ANGPTL5: variants seen among roughly 807,000 people sequenced by gnomAD.
The protein encoded by ANGPTL5 is angiopoietin-related protein 5.
In ANGPTL5, 34 loss-of-function variants were observed where a neutral mutation model predicts 39.4. The observed-to-expected ratio is 0.86, with a 90% CI of 0.66 to 1.15. The LOEUF (loss-of-function observed/expected upper bound fraction) is 1.15. Ranked by LOEUF, ANGPTL5 falls within the 50% of genes most tolerant of loss-of-function variation. The pLI is 0.00. For synonymous variants in ANGPTL5, 146 were observed against 152.1 expected, an observed-to-expected ratio of 0.96 and a Z score of 0.29; for missense variants, 467 against 457.5, an observed-to-expected ratio of 1.02 and a Z score of -0.19.
At chr11:101,904,974 T>C (rs139655867) in intron 4 of ANGPTL5, 67 bp from the exon 5 acceptor site, 2 of 1,222,472 alleles carry the variant, frequency 1.6e-6, no homozygotes, top group African/African-American at 3.0e-5. Flanking sequence ...AAGCCTCTCA[T>C]AAACCCAGCT....
intron 1 of ANGPTL5, chr11:101,914,919 T>G (rs963032323): frequency 9.3e-6 from 2 of 214,510 alleles, no homozygotes; most frequent in Admixed American, 5.6e-5. Context: ...CGCTCGAAGC[T>G]GGAGGGGCCG....
In ANGPTL5 at chr11:101,891,282, T is replaced by G; in HGVS notation, c.1164A>C (p.Lys388Asn). 1.2e-6 allele frequency: 2 copies of G among 1,602,366 alleles called. No individual in the cohort carries two copies. The highest frequency in any genetic ancestry group is 1.7e-6 in the Non-Finnish European group (2 of 1,169,724). Residue 388 changes from lysine to asparagine, a missense_variant, in exon 9 of 9, where the codon AAA becomes AAC. Transcript: ENST00000334289. ...KIRRMYNPYF[K>N] is the part of the protein sequence containing the mutation. ...TGCATTACAATGTTAAATGAGATTATTTAAAATATGGATTGTACATTCTTC... is the reference window on the plus strand; with the variant it reads ...TGCATTACAATGTTAAATGAGATTAGTTAAAATATGGATTGTACATTCTTC...
chr11:101,913,073 C>G (rs1170301939), intron 1 of ANGPTL5, among the ~76,000 whole-genome samples: 1 of 152,152 alleles, frequency 6.6e-6, no homozygotes, highest in Non-Finnish European at 1.5e-5. Context: ...CGTAGCTCAC[C>G]ACCAGACACT....
At chr11:101,908,137 T>A in intron 1 of ANGPTL5, 136 bp from the exon 2 acceptor site, 1 of 412,414 alleles carries the variant, frequency 2.4e-6, no homozygotes, top group Non-Finnish European at 4.4e-6. Context: ...TCCTTTTTTA[T>A]CACTTCATGT....
chr11:101,908,636 C>T (rs768067353), intron 1 of ANGPTL5, among the ~76,000 whole-genome samples: 12 of 151,706 alleles, frequency 7.9e-5, no homozygotes, highest in Non-Finnish European at 1.3e-4. Context: ...AAAAATTAGC[C>T]GGGCGTTGTA....
chr11:101,902,482 T>C (rs1024262010), intron 6 of ANGPTL5, 139 bp downstream of exon 6: 8 of 729,912 alleles, frequency 1.1e-5, no homozygotes, highest in Middle Eastern at 3.8e-4. Context: ...ATTTTGAAAG[T>C]AGAACTTTAC....
In ANGPTL5 at chr11:101,891,195, T is replaced by C. The variant is rs1393540862; in HGVS notation, c.*84A>G. 7.5e-7 allele frequency: 1 copy of C among 1,333,084 alleles called. No individual in the cohort carries two copies. Among genetic ancestry groups the C allele is most frequent in the Non-Finnish European group, 1.0e-6 (1 of 981,628 alleles). 82.6% of individuals were successfully genotyped at this position (1,333,084 alleles called of 1,614,324 possible). A position where few individuals can be genotyped will look rare whatever the true frequency, so the allele number is the denominator to read the frequency against. On this transcript the variant is annotated 3_prime_UTR_variant, in exon 9 of 9. Coordinates refer to ENST00000334289, the MANE Select transcript of ANGPTL5 (RefSeq NM_178127.5). ...TACAGTTAAATTTTGCCTAATATGTTTGAAACACTAAGTGAAAAGATAAAC... is the reference window on the plus strand; with the variant it reads ...TACAGTTAAATTTTGCCTAATATGTCTGAAACACTAAGTGAAAAGATAAAC...
chr11:101,891,460 T>C lies in ANGPTL5; in HGVS notation c.986A>G (p.Asn329Ser), dbSNP rs200895384. 82 of 1,614,064 alleles carry C rather than the reference T, an allele frequency of 5.1e-5. No homozygotes were observed. The African/African-American group carries it at 8.1e-4, about 16-fold the overall frequency. Residue 329 changes from asparagine (N) to serine (S), a missense_variant, in exon 9 of 9, where the codon AAC (asparagine) becomes AGC (serine). Asn to Ser is a conservative substitution (Grantham distance 46). Coordinates refer to ENST00000334289, the MANE Select transcript of ANGPTL5 (RefSeq NM_178127.5). Reference protein sequence around the residue: ...QSVKSCSHLHNKTGWWFNECG... With the variant: ...QSVKSCSHLHSKTGWWFNECG... ...CTCGTTAAACCACCAGCCGGTCTTG[T>C]TATGGAGGTGACTGCAGCTCTTCAC...
intron 5 of ANGPTL5, among the ~76,000 whole-genome samples, chr11:101,903,900 G>T (rs1939952335): frequency 6.7e-6 from 1 of 150,282 alleles, no homozygotes; most frequent in Admixed American, 6.6e-5. Context: ...TTATTTCCTT[G>T]TGATAAACAT....
intron 1 of ANGPTL5, among the ~76,000 whole-genome samples, chr11:101,909,224 T>C (rs942872336): frequency 1.4e-4 from 21 of 152,244 alleles, no homozygotes; most frequent in South Asian, 2.1e-4. Context: ...ACCTACTATT[T>C]AAACCCAAAC....
rs187301164 is a variant in ANGPTL5, at chr11:101,899,679, A to G, written c.661+751T>C. Among the ~76,000 whole-genome samples the G allele has an allele frequency of 9.2e-5, 14 of 152,358 alleles. No homozygotes were observed. The East Asian group carries it at 2.3e-3, about 25-fold the overall frequency. On this transcript the variant is annotated intron_variant, in intron 7 of 8. Coordinates refer to ENST00000334289, the MANE Select transcript of ANGPTL5 (RefSeq NM_178127.5). ...TATAAGCCAAATTGCTTCTAAAATCACTGGCATTCAGTAGCATTTTTAGCA... is the reference window on the plus strand; with the variant it reads ...TATAAGCCAAATTGCTTCTAAAATCGCTGGCATTCAGTAGCATTTTTAGCA...
At chr11:101,902,827 T>C (rs755915483) in intron 5 of ANGPTL5, 106 bp from the exon 6 acceptor site, 64 of 688,378 alleles carry the variant, frequency 9.3e-5, no homozygotes, top group Non-Finnish European at 1.4e-4. Context: ...TTCATTATTA[T>C]ATTATTTTAA....
intron 8 of ANGPTL5, among the ~76,000 whole-genome samples, chr11:101,894,169 C>T (rs1939750880): frequency 6.6e-6 from 1 of 152,086 alleles, no homozygotes; most frequent in Admixed American, 6.5e-5. Flanking sequence ...ACTTATCTTC[C>T]CCTTTATATT....
At chr11:101,891,782 C>A (rs1233154451) in intron 8 of ANGPTL5, among the ~76,000 whole-genome samples, 184 bp from the exon 9 acceptor site, 2 of 152,052 alleles carry the variant, frequency 1.3e-5, no homozygotes, top group Non-Finnish European at 2.9e-5. Flanking sequence ...TGATGAGTTC[C>A]CCAACACAAC....
chr11:101,910,424 AATATAT>A (rs71059523), intron 1 of ANGPTL5, among the ~76,000 whole-genome samples: 37 of 127,206 alleles, frequency 2.9e-4, no homozygotes, highest in African/African-American at 8.2e-4. Flanking sequence ...AAAAAAAAAA[AATATAT>A]ATATATATAT....
chr11:101,897,970 TC>T (rs1939828643), intron 7 of ANGPTL5, among the ~76,000 whole-genome samples: 1 of 152,152 alleles, frequency 6.6e-6, no homozygotes, highest in Non-Finnish European at 1.5e-5. Context: ...ATGTCTGTAA[TC>T]CCAGCACTTT....
At chr11:101,908,029 C>T (rs1023182575) in intron 1 of ANGPTL5, 28 bp from the exon 2 acceptor site, 7 of 722,958 alleles carry the variant, frequency 9.7e-6, no homozygotes, top group Non-Finnish European at 1.4e-5. Flanking sequence ...AAAACATAAG[C>T]CAAAACTTAC....
rs1234969472 is a variant in ANGPTL5, at chr11:101,892,044, G to A, written c.848-446C>T. Among the ~76,000 whole-genome samples, 3 of 152,288 alleles carry A rather than the reference G, an allele frequency of 2.0e-5. No homozygotes were observed. The East Asian group carries it at 5.8e-4, about 29-fold the overall frequency. On this transcript the variant is annotated intron_variant, in intron 8 of 8. Coordinates refer to ENST00000334289, the MANE Select transcript of ANGPTL5 (RefSeq NM_178127.5). ...TAAGAAATTTAGATTTACAGTTACA[G>A]AAGTTGGGGTTTTTTTCTAGGGGCC...
intron 8 of ANGPTL5, among the ~76,000 whole-genome samples, chr11:101,892,570 C>T (rs1214955242): frequency 1.3e-5 from 2 of 152,148 alleles, no homozygotes; most frequent in Non-Finnish European, 2.9e-5. Flanking sequence ...TTTACAATAA[C>T]CCTGCAATGA....
Sources: gnomAD v4.1 joint callset for allele counts (sites outside exome capture counted in the v4.1 genomes callset) on GRCh38, gnomAD v4.1.1 for gene constraint, MANE v1.5 for transcripts, NCBI Gene and HGNC (gene_info 2026-07-23, HGNC 2026-07-21) for gene names.